The following EIF4G3 variants were observed in gnomAD, a reference collection of about 807,000 sequenced individuals.
EIF4G3 encodes eIF-4-gamma 3.
A neutral mutation model predicts 186.4 loss-of-function variants in EIF4G3; 34 were observed. The ratio of observed to expected loss-of-function variants is 0.18; its 90% CI spans 0.14 to 0.24. The LOEUF is 0.24. Among genes scored for constraint, EIF4G3 ranks in the 10% least tolerant of loss-of-function variants. EIF4G3 has a pLI of 1.00. For missense variants in EIF4G3, 1,536 were observed against 1,948.5 expected, an observed-to-expected ratio of 0.79 and a Z score of 3.99; for synonymous variants, 673 against 679.5, an observed-to-expected ratio of 0.99 and a Z score of 0.15.
intron 2 of EIF4G3, among the ~76,000 whole-genome samples, chr1:21,140,216 C>T (rs2097313746): frequency 6.6e-6 from 1 of 152,122 alleles, no homozygotes; most frequent in Non-Finnish European, 1.5e-5. Flanking sequence ...ACTGATTTTC[C>T]AATTGCAAAG....
intron 14 of EIF4G3, among the ~76,000 whole-genome samples, chr1:20,933,294 G>T (rs1015323107): frequency 6.6e-6 from 1 of 152,168 alleles, no homozygotes; most frequent in African/African-American, 2.4e-5. Context: ...CCACACCTAA[G>T]TGCAGGGATA....
chr1:20,847,252 A>C (rs1172382324), intron 29 of EIF4G3, among the ~76,000 whole-genome samples: 2 of 152,228 alleles, frequency 1.3e-5, no homozygotes, highest in Non-Finnish European at 2.9e-5. Flanking sequence ...TATGTACAAC[A>C]GCACCCAACG....
chr1:20,942,315 G>A lies in EIF4G3; in HGVS notation c.839C>T (p.Pro280Leu). ...GGAAGGAGACTTTAACACTGGATCT[G>A]GTTTTGGCTTCTCCTCTGGGGAAAA... is the stretch of plus-strand genomic sequence containing the variant. ...SDQKQEEKPK[P>L]DPVLKSPSPV... The change falls in exon 14 of 37, where the codon CCA becomes CTA. Residue 280 changes from proline (P) to leucine (L), a missense_variant. Coordinates refer to ENST00000602326, the MANE Select transcript of EIF4G3 (RefSeq NM_001391906.1). The A allele has an allele frequency of 1.9e-6, 3 of 1,573,024 alleles. No individual in the cohort carries two copies. Among genetic ancestry groups the A allele is most frequent in the African/African-American group, 1.4e-5 (1 of 72,860 alleles).
At chr1:21,114,399 G>A (rs1191581207) in intron 2 of EIF4G3, among the ~76,000 whole-genome samples, 4 of 152,172 alleles carry the variant, frequency 2.6e-5, no homozygotes, top group Admixed American at 6.5e-5. Context: ...AAAGTGCTGG[G>A]ATTACAGGCG....
intron 2 of EIF4G3, among the ~76,000 whole-genome samples, chr1:21,119,355 C>T (rs935086925): frequency 2.0e-5 from 3 of 151,902 alleles, no homozygotes; most frequent in Non-Finnish European, 4.4e-5. Context: ...ATAAAGTAAC[C>T]TATTGAAGGT....
In EIF4G3 at chr1:20,860,419, G is replaced by C. The variant is rs776659819; in HGVS notation, c.3210C>G (p.Val1070=). The change falls in exon 24 of 37, where the codon GTC becomes GTG. Residue 1070 remains valine, a synonymous_variant. Coordinates refer to ENST00000602326, the MANE Select transcript of EIF4G3 (RefSeq NM_001391906.1). The stretch of plus-strand genomic sequence containing the variant: ...TCTTCTCTTTGGTCATGAGTTGCTG[G>C]ACCTTCCTTTGCTCTTCTTGTTCTT... ...KIEEQEEQRK[V]QQLMTKEKRR... is the part of the protein sequence containing the mutation. 1.2e-6 allele frequency: 2 copies of C among 1,614,042 alleles called. No homozygotes were observed. The highest frequency in any genetic ancestry group is 1.7e-6 in the Non-Finnish European group (2 of 1,180,008).
At chr1:21,113,084 G>C (rs1015087397) in intron 2 of EIF4G3, among the ~76,000 whole-genome samples, 1 of 138,954 alleles carries the variant, frequency 7.2e-6, no homozygotes, top group Non-Finnish European at 1.5e-5. Flanking sequence ...CCCAGGAGTC[G>C]AAGCTGCAGT....
chr1:20,876,398 A>G (rs1287111853), intron 20 of EIF4G3, among the ~76,000 whole-genome samples: 1 of 150,720 alleles, frequency 6.6e-6, no homozygotes, highest in African/African-American at 2.4e-5. Flanking sequence ...TATGAGTAAA[A>G]TCTATCTGTA....
In EIF4G3 at chr1:20,895,477, T is replaced by G. The variant is rs754719494; in HGVS notation, c.2024A>C (p.Glu675Ala). 4 of 1,613,848 alleles carry G rather than the reference T, an allele frequency of 2.5e-6. No homozygotes were observed. The highest frequency in any genetic ancestry group is 3.4e-6 in the Non-Finnish European group (4 of 1,179,926). The stretch of plus-strand genomic sequence containing the variant: ...CTCCCTGTCATACTGCTTCTTACCT[T>G]CAGTATCAGTAGGCTTCCAGGATTC... ...KPESWKPTDT[E>A]GKKQYDREFL... The change falls in exon 17 of 37, where the codon GAA (glutamate) becomes GCA (alanine). Residue 675 changes from glutamate (E) to alanine (A), a missense_variant. Physicochemically the swap from Glu to Ala is moderately radical, Grantham distance 107. Around this residue, in one of 11 missense-constraint regions of EIF4G3, gnomAD observed 560 missense variants for 547.8 expected, o/e 1.02. Transcript: ENST00000602326.
intron 3 of EIF4G3, among the ~76,000 whole-genome samples, chr1:21,070,764 A>G (rs2095418591): frequency 6.6e-6 from 1 of 152,240 alleles, no homozygotes; most frequent in Non-Finnish European, 1.5e-5. Flanking sequence ...CAGTTTTAGA[A>G]TATCAAAGGT....
intron 2 of EIF4G3, among the ~76,000 whole-genome samples, chr1:21,172,329 A>C (rs1290890995): frequency 6.6e-6 from 1 of 152,142 alleles, no homozygotes; most frequent in African/African-American, 2.4e-5. Flanking sequence ...CTCACAGCAG[A>C]GTTATCAGTT....
intron 2 of EIF4G3, among the ~76,000 whole-genome samples, chr1:21,133,225 CTTCT>C (rs770328012): frequency 3.3e-5 from 5 of 151,566 alleles, no homozygotes; most frequent in Admixed American, 6.6e-5. Context: ...CTTCCAAAGC[CTTCT>C]TTCTTTTTTT....
intron 2 of EIF4G3, among the ~76,000 whole-genome samples, chr1:21,155,196 G>A (rs7520293): frequency 0.38 from 54,579 of 145,532 alleles, 10,662 homozygotes; most frequent in Non-Finnish European, 0.43. Context: ...CCAGGAGGCG[G>A]AGGTTGCAGT....
rs1332181003 is a variant in EIF4G3 at position 21,029,060 on chromosome 1, C to T, written c.-67+21806G>A. Reference sequence around the variant, plus strand: ...AATGCGCCTGGCCCAAACAAAGTCTCGCTCTGGGGTACAGTGGCGTGATCC... The same window carrying T: ...AATGCGCCTGGCCCAAACAAAGTCTTGCTCTGGGGTACAGTGGCGTGATCC... On this transcript the variant is annotated intron_variant, in intron 4 of 36. Transcript: ENST00000602326. Among the ~76,000 whole-genome samples the T allele has an allele frequency of 3.3e-5, 5 of 151,954 alleles. No homozygotes were observed. In the East Asian group the frequency reaches 7.7e-4, roughly 24 times the overall value.
intron 12 of EIF4G3, among the ~76,000 whole-genome samples, chr1:20,953,107 T>G (rs1439512728): frequency 2.0e-5 from 3 of 152,186 alleles, no homozygotes; most frequent in Admixed American, 6.5e-5. Flanking sequence ...ACTTTCACTA[T>G]TGGTGGGAAT....
At chr1:20,856,310 C>T (rs908544091) in intron 25 of EIF4G3, among the ~76,000 whole-genome samples, 4 of 152,140 alleles carry the variant, frequency 2.6e-5, no homozygotes, top group Admixed American at 1.3e-4. Flanking sequence ...TACTTCTTGT[C>T]AGTTATCTTC....
At chr1:21,003,816 T>G in intron 4 of EIF4G3, 1 of 390,552 alleles carries the variant, frequency 2.6e-6, no homozygotes, top group Non-Finnish European at 5.0e-6. Context: ...TGCCTTATCA[T>G]GCCTCATCAT....
intron 6 of EIF4G3, chr1:20,999,375 CAATACCACCCATG>C (rs1039580031): frequency 3.9e-5 from 15 of 384,472 alleles, no homozygotes; most frequent in Non-Finnish European, 7.8e-5. Flanking sequence ...CAAGAACAGG[CAATACCACCCATG>C]TGGTATGAAA....
chr1:21,121,238 T>C (rs1255816501), intron 2 of EIF4G3, among the ~76,000 whole-genome samples: 2 of 152,156 alleles, frequency 1.3e-5, no homozygotes, highest in African/African-American at 2.4e-5. Flanking sequence ...TAGACATTAG[T>C]AGACATTCAA....
Sources: gnomAD v4.1 joint callset for allele counts (sites outside exome capture counted in the v4.1 genomes callset) on GRCh38, gnomAD v4.1.1 for gene constraint, gnomAD v4.1.1 regional missense constraint, MANE v1.5 for transcripts, NCBI Gene and HGNC (gene_info 2026-07-23, HGNC 2026-07-21) for gene names.